The following TFB1M variants were observed in gnomAD, a reference collection of about 807,000 sequenced individuals.
The protein encoded by TFB1M is transcription factor B1, mitochondrial, also known as dimethyladenosine transferase 1, mitochondrial.
TFB1M carries 27 observed loss-of-function variants against 31.1 expected under a neutral mutation model. The observed-to-expected ratio is 0.87, with a 90% CI of 0.64 to 1.20. The LOEUF (loss-of-function observed/expected upper bound fraction) is 1.20, where lower values mean the gene tolerates loss of function less well. Ranked by LOEUF, TFB1M falls within the 50% of genes most tolerant of loss-of-function variation. The pLI is 0.00. For missense variants in TFB1M, 394 were observed against 418.7 expected, an observed-to-expected ratio of 0.94 and a Z score of 0.51; for synonymous variants, 166 against 151.8, an observed-to-expected ratio of 1.09 and a Z score of -0.69.
intron 5 of TFB1M, among the ~76,000 whole-genome samples, chr6:155,266,036 T>C (rs1784619285): frequency 1.3e-5 from 2 of 152,026 alleles, no homozygotes; most frequent in Non-Finnish European, 2.9e-5. Context: ...GCTGATTAGA[T>C]GGTGCCCACC....
intron 5 of TFB1M, 75 bp from the exon 6 acceptor site, chr6:155,260,475 TA>T: frequency 6.3e-7 from 1 of 1,599,782 alleles, no homozygotes; most frequent in Non-Finnish European, 8.6e-7. Context: ...CTCATCCTTG[TA>T]AAACAGGAGG....
chr6:155,264,332 T>A (rs1294216607), intron 5 of TFB1M: 1 of 152,188 alleles, frequency 6.6e-6, no homozygotes, highest in Non-Finnish European at 1.5e-5. Flanking sequence ...CTGATGCCTG[T>A]GATATGATAA....
intron 2 of TFB1M, among the ~76,000 whole-genome samples, chr6:155,304,238 C>T (rs1400472930): frequency 2.6e-5 from 4 of 152,032 alleles, no homozygotes; most frequent in Admixed American, 6.6e-5. Flanking sequence ...GCCGAGATCA[C>T]GCCACTGCAC....
chr6:155,295,953 G>T (rs1479361256), intron 4 of TFB1M, among the ~76,000 whole-genome samples: 1 of 152,080 alleles, frequency 6.6e-6, no homozygotes. Context: ...ATTTGTGGGG[G>T]TTCTGGAATC....
At chr6:155,249,924 C>A in the TFB1M span, 2 of 1,613,870 alleles carry the variant, frequency 1.2e-6, no homozygotes, top group Non-Finnish European at 1.7e-6. Context: ...ATTATGGGAC[C>A]GTGTTTGACC....
chr6:155,273,696 G>A lies in TFB1M; in HGVS notation c.666+11462C>T, dbSNP rs1785044126. On this transcript the variant is annotated intron_variant, in intron 5 of 6. Coordinates refer to ENST00000367166, the MANE Select transcript of TFB1M (RefSeq NM_016020.4). The stretch of plus-strand genomic sequence containing the variant: ...AGCAGGAAGTGTTGTGGTAAAAGGG[G>A]AAAGGATGCGGGATGACCCTGTGAG... 2.0e-5 allele frequency among the ~76,000 whole-genome samples: 3 copies of A among 152,300 alleles called. No homozygotes were observed. The South Asian group carries it at 6.2e-4, about 32-fold the overall frequency.
intron 5 of TFB1M, among the ~76,000 whole-genome samples, chr6:155,266,970 CTTTT>C (rs375412255): frequency 1.6e-5 from 2 of 127,352 alleles, no homozygotes. Flanking sequence ...ACTTTGCTGC[CTTTT>C]TTTTTTTTTT....
intron 2 of TFB1M, among the ~76,000 whole-genome samples, chr6:155,298,833 T>C (rs1454712569): frequency 2.0e-5 from 3 of 152,160 alleles, no homozygotes; most frequent in African/African-American, 7.2e-5. Context: ...AATATATTAG[T>C]GTAATTTTGA....
intron 1 of TFB1M, 97 bp from the exon 2 acceptor site, chr6:155,311,436 C>A: frequency 1.0e-6 from 1 of 972,130 alleles, no homozygotes; most frequent in East Asian, 2.6e-5. Context: ...TCAGCCATTA[C>A]CCAATCAATT....
At chr6:155,262,506 T>C (rs537844071) in intron 5 of TFB1M, among the ~76,000 whole-genome samples, 1 of 152,306 alleles carries the variant, frequency 6.6e-6, no homozygotes, top group East Asian at 1.9e-4. Flanking sequence ...ACTCATCTCC[T>C]GTAACCCTTC....
At chr6:155,306,409 C>T (rs1296477611) in intron 2 of TFB1M, among the ~76,000 whole-genome samples, 1 of 152,116 alleles carries the variant, frequency 6.6e-6, no homozygotes, top group Non-Finnish European at 1.5e-5. Flanking sequence ...TCCACACAAA[C>T]ACTTGCATAT....
At chr6:155,230,866 C>T in the TFB1M span, among the ~76,000 whole-genome samples, 2 of 149,020 alleles carry the variant, frequency 1.3e-5, no homozygotes, top group Non-Finnish European at 3.0e-5. Context: ...TGGAGTCTCG[C>T]TCTGTCACCC....
At chr6:155,267,283 T>C (rs1472938390) in intron 5 of TFB1M, among the ~76,000 whole-genome samples, 1 of 152,226 alleles carries the variant, frequency 6.6e-6, no homozygotes, top group African/African-American at 2.4e-5. Context: ...CCGTAGAATA[T>C]GGTGCTTCTT....
intron 5 of TFB1M, chr6:155,263,984 CTT>C (rs1784507413): frequency 6.6e-6 from 1 of 151,206 alleles, no homozygotes; most frequent in Admixed American, 6.6e-5. Flanking sequence ...ATCAGTAAGA[CTT>C]TAAAGAACAA....
intron 5 of TFB1M, among the ~76,000 whole-genome samples, chr6:155,284,199 G>A (rs893309425): frequency 5.9e-5 from 9 of 152,178 alleles, no homozygotes; most frequent in East Asian, 1.9e-4. Flanking sequence ...TCACTTAGGC[G>A]TCTTCAAGAC....
chr6:155,232,019 T>C, the TFB1M span, among the ~76,000 whole-genome samples: 1 of 152,130 alleles, frequency 6.6e-6, no homozygotes, highest in African/African-American at 2.4e-5. Flanking sequence ...AGGCAGACAT[T>C]GCACTGAGCC....
At chr6:155,302,220 C>T (rs1203887290) in intron 2 of TFB1M, among the ~76,000 whole-genome samples, 1 of 152,184 alleles carries the variant, frequency 6.6e-6, no homozygotes, top group Non-Finnish European at 1.5e-5. Flanking sequence ...GTAAGGGGTT[C>T]ATGGCAGCCA....
intron 4 of TFB1M, among the ~76,000 whole-genome samples, chr6:155,296,145 G>A (rs1016016544): frequency 1.3e-5 from 2 of 152,128 alleles, no homozygotes; most frequent in African/African-American, 4.8e-5. Flanking sequence ...CTTCTGCCAT[G>A]GGAATGCAGG....
At chr6:155,291,235 G>T (rs1205282848) in intron 4 of TFB1M, among the ~76,000 whole-genome samples, 1 of 152,184 alleles carries the variant, frequency 6.6e-6, no homozygotes, top group African/African-American at 2.4e-5. Flanking sequence ...AGAATTGAAT[G>T]AAACTGCAGG....
Sources: allele counts gnomAD v4.1 joint callset (sites outside exome capture counted in the v4.1 genomes callset), GRCh38; gene constraint gnomAD v4.1.1; transcripts MANE v1.5; gene names NCBI Gene and HGNC (gene_info 2026-07-23, HGNC 2026-07-21).